Variants in TARS1 observed in about 807,000 individuals in gnomAD.
TARS1 encodes the protein threonyl-tRNA synthetase 1, also known as threonine--tRNA ligase 1, cytoplasmic.
In TARS1, 57 loss-of-function variants were observed where a neutral mutation model predicts 97.7. That is an observed-to-expected ratio of 0.58 (90% CI 0.47 to 0.73). The LOEUF (loss-of-function observed/expected upper bound fraction) is 0.73. Among genes scored for constraint, TARS1 ranks in the 30% least tolerant of loss-of-function variants. The probability of loss-of-function intolerance (pLI) is 0.00; values close to 1 mark genes in which losing one functional copy is unlikely to be tolerated. For missense variants in TARS1, 806 were observed against 888.3 expected, an observed-to-expected ratio of 0.91 and a Z score of 1.18; for synonymous variants, 312 against 293.7, an observed-to-expected ratio of 1.06 and a Z score of -0.64.
chr5:33,442,018 A>G (rs3777083), intron 1 of TARS1, among the ~76,000 whole-genome samples: 45,689 of 152,084 alleles, frequency 0.3, 8,742 homozygotes, highest in African/African-American at 0.54. Flanking sequence ...GATCTTAAGC[A>G]GGAAGATTGT....
At chr5:33,451,460 C>T (rs908952182) in intron 3 of TARS1, among the ~76,000 whole-genome samples, 2 of 151,716 alleles carry the variant, frequency 1.3e-5, no homozygotes, top group African/African-American at 2.4e-5. Context: ...CTGCAAGCTC[C>T]GCTTCCTGGG....
Position 33,462,154 on chromosome 5 carries a change from T to C in TARS1, c.1786T>C (p.Ser596Pro). The C allele has an allele frequency of 6.2e-7, 1 of 1,613,208 alleles. No homozygotes were observed. Among genetic ancestry groups the C allele is most frequent in the Non-Finnish European group, 8.5e-7 (1 of 1,179,902 alleles). The change falls in exon 16 of 19, where the codon TCA (serine) becomes CCA (proline). Residue 596 changes from serine to proline, a missense_variant. By Grantham distance (74) the Ser-to-Pro change is moderately conservative. This residue lies in a region of TARS1 where 446 missense variants were observed against 511.0 expected (regional missense o/e 0.87). Coordinates refer to ENST00000265112, the MANE Select transcript of TARS1 (RefSeq NM_152295.5). ...PVIVHRAILG[S>P]VERMIAILTE... ...GATTGTTCATCGAGCCATCTTGGGA[T>C]CAGTGGAAAGAATGATTGCTATCCT...
At chr5:33,449,341 ACG>A (rs1491548702) in intron 3 of TARS1, among the ~76,000 whole-genome samples, 3,994 of 114,890 alleles carry the variant, frequency 0.035, 98 homozygotes, top group South Asian at 0.091. Flanking sequence ...GTATATATAC[ACG>A]TGTATATATA....
intron 1 of TARS1, chr5:33,441,650 A>T (rs1208654218): frequency 6.3e-6 from 1 of 158,472 alleles, no homozygotes; most frequent in African/African-American, 2.4e-5. Context: ...CCCGGCACTG[A>T]TCTGGGCGGT....
Position 33,461,011 on chromosome 5 carries a change from C to T in TARS1, c.1360C>T (p.Arg454Trp), listed in dbSNP as rs148364973. ...ELSGALTGLT[R>W]VRRFQQDDAH... ...GTCTGGAGCACTCACAGGACTCACCCGGGTACGAAGATTCCAACAGGATGA... is the reference window on the plus strand; with the variant it reads ...GTCTGGAGCACTCACAGGACTCACCTGGGTACGAAGATTCCAACAGGATGA... The change falls in exon 12 of 19, where the codon CGG becomes TGG. Residue 454 changes from arginine (R) to tryptophan (W), a missense_variant. Coordinates refer to ENST00000265112, the MANE Select transcript of TARS1 (RefSeq NM_152295.5). 6.8e-6 allele frequency: 11 copies of T among 1,613,974 alleles called. No homozygotes were observed. Among genetic ancestry groups the T allele is most frequent in the African/African-American group, 1.3e-5 (1 of 74,880 alleles).
intron 9 of TARS1, 137 bp downstream of exon 9, chr5:33,457,540 T>C (rs1742088840): frequency 1.1e-6 from 1 of 897,770 alleles, no homozygotes; most frequent in Admixed American, 2.6e-5. Flanking sequence ...TGCTATGTCC[T>C]GTACAAACTA....
At position 33,445,240 on chromosome 5, in the gene TARS1, A is replaced by G. The variant is rs1579574486; in HGVS notation, c.58-84A>G. ...TTTAAATTAAATAACAAATACTAAA[A>G]TAACATTCTCAACACTTCCTGGGGC... On this transcript the variant is annotated intron_variant, in intron 1 of 18. Coordinates refer to ENST00000265112, the MANE Select transcript of TARS1 (RefSeq NM_152295.5). The G allele has an allele frequency of 1.4e-5, 14 of 1,026,838 alleles. No individual in the cohort carries two copies. In the East Asian group the frequency reaches 3.7e-4, roughly 27 times the overall value. 63.6% of individuals were successfully genotyped at this position (1,026,838 alleles called of 1,614,324 possible). A position where few individuals can be genotyped will look rare whatever the true frequency, so the allele number is the denominator to read the frequency against.
rs149964628 is a variant in TARS1, at chr5:33,448,591, A to G, written c.189A>G (p.Ile63Met). 23 of 1,613,380 alleles carry G rather than the reference A, an allele frequency of 1.4e-5. No homozygotes were observed. The highest frequency in any genetic ancestry group is 1.9e-5 in the Non-Finnish European group (22 of 1,179,716). The change falls in exon 3 of 19, where the codon ATA becomes ATG. Residue 63 changes from isoleucine to methionine, a missense_variant. Ile to Met is a conservative substitution (Grantham distance 10). This residue lies in a region of TARS1 where 356 missense variants were observed against 357.8 expected (regional missense o/e 0.99). Coordinates refer to ENST00000265112, the MANE Select transcript of TARS1 (RefSeq NM_152295.5). ...YIYTRLEMYNILKAEHDSILA... is the reference protein window; with the variant it reads ...YIYTRLEMYNMLKAEHDSILA... ...ACACACGTCTTGAGATGTATAATAT[A>G]CTAAAAGCAGAACATGATTCCATTC...
At position 33,461,260 on chromosome 5, in the gene TARS1, C is replaced by G; in HGVS notation, c.1516C>G (p.Leu506Val). The change falls in exon 13 of 19, where the codon CTT becomes GTT. Residue 506 changes from leucine (L) to valine (V), a missense_variant. This residue lies in a region of TARS1 where 446 missense variants were observed against 511.0 expected (regional missense o/e 0.87). Coordinates refer to ENST00000265112, the MANE Select transcript of TARS1 (RefSeq NM_152295.5). ...CCTTTCTACTCGCCCGGAAAAATTC[C>G]TTGGAGATATCGAAGTATGGGATCA... ...LNLSTRPEKF[L>V]GDIEVWDQAE... 1 of 1,613,680 alleles carries G rather than the reference C, an allele frequency of 6.2e-7. No homozygotes were observed. Among genetic ancestry groups the G allele is most frequent in the Non-Finnish European group, 8.5e-7 (1 of 1,179,926 alleles).
intron 1 of TARS1, 155 bp downstream of exon 1, chr5:33,441,298 C>A: frequency 1.3e-6 from 1 of 781,882 alleles, no homozygotes; most frequent in Non-Finnish European, 2.1e-6. Context: ...AAAGTCGGAA[C>A]CCCCTTTGGG....
chr5:33,464,192 C>T (rs12659798), intron 17 of TARS1, among the ~76,000 whole-genome samples: 9,195 of 152,230 alleles, frequency 0.06, 428 homozygotes, highest in East Asian at 0.22. Context: ...GCAGTGACTA[C>T]AGGCAGGAGC....
At chr5:33,453,918 C>T (rs1344728863) in intron 4 of TARS1, among the ~76,000 whole-genome samples, 1 of 151,982 alleles carries the variant, frequency 6.6e-6, no homozygotes, top group African/African-American at 2.4e-5. Context: ...TGGGGTTTCA[C>T]CATGTTGGCC....
Position 33,458,546 on chromosome 5 carries a change from T to A in TARS1, c.985-20T>A. 1 of 1,601,736 alleles carries A rather than the reference T, an allele frequency of 6.2e-7. No individual in the cohort carries two copies. Among genetic ancestry groups the A allele is most frequent in the Admixed American group, 1.7e-5 (1 of 58,328 alleles). On this transcript the variant is annotated intron_variant, in intron 9 of 18. Coordinates refer to ENST00000265112, the MANE Select transcript of TARS1 (RefSeq NM_152295.5). Reference sequence around the variant, plus strand: ...TATACGTGACGTACATAAACATTCTTTTGCTTTTCTTTTACCCAGGACCAA... The same window carrying A: ...TATACGTGACGTACATAAACATTCTATTGCTTTTCTTTTACCCAGGACCAA...
At position 33,466,885 on chromosome 5, in the gene TARS1, C is replaced by T. The variant is rs748580962; in HGVS notation, c.1923C>T (p.Phe641=). 1 of 1,596,678 alleles carries T rather than the reference C, an allele frequency of 6.3e-7. No individual in the cohort carries two copies. Among genetic ancestry groups the T allele is most frequent in the East Asian group, 2.3e-5 (1 of 43,666 alleles). The change falls in exon 18 of 19, where the codon TTC becomes TTT. Residue 641 remains phenylalanine, a synonymous_variant. Coordinates refer to ENST00000265112, the MANE Select transcript of TARS1 (RefSeq NM_152295.5). ...DEYAQKVRQQ[F]HDAKFMADID... is the part of the protein sequence containing the mutation. Reference sequence around the variant, plus strand: ...TGTTACAATAGGTACGACAACAATTCCACGATGCCAAATTCATGGCAGACA... The same window carrying T: ...TGTTACAATAGGTACGACAACAATTTCACGATGCCAAATTCATGGCAGACA...
chr5:33,450,599 C>T (rs911359257), intron 3 of TARS1, among the ~76,000 whole-genome samples: 1 of 152,180 alleles, frequency 6.6e-6, no homozygotes, highest in African/African-American at 2.4e-5. Flanking sequence ...TAGACCTTTA[C>T]GTATCAGTTC....
chr5:33,467,475 T>C, intron 18 of TARS1, 85 bp from the exon 19 acceptor site: 2 of 1,510,648 alleles, frequency 1.3e-6, no homozygotes, highest in Non-Finnish European at 1.8e-6. Context: ...TTTTGGGTCC[T>C]AGGATCATTT....
At chr5:33,442,320 C>CTTTTTTTTTTTTTTTT (rs763508345) in intron 1 of TARS1, among the ~76,000 whole-genome samples, 7 of 104,598 alleles carry the variant, frequency 6.7e-5, no homozygotes, top group Non-Finnish European at 1.1e-4. Flanking sequence ...TGTTTTGTAA[C>CTTTTTTTTTTTTTTTT]TTTTTTTTTT....
At chr5:33,449,358 T>TATATATATATATATATATATGTATAG (rs59141272) in intron 3 of TARS1, among the ~76,000 whole-genome samples, 143 of 146,464 alleles carry the variant, frequency 9.8e-4, no homozygotes, top group Middle Eastern at 6.9e-3. Context: ...TATATATATA[T>TATATATATATATATATATATGTATAG]CTTAAACTGG....
chr5:33,452,087 C>T (rs559446753), intron 3 of TARS1, among the ~76,000 whole-genome samples: 9 of 152,236 alleles, frequency 5.9e-5, no homozygotes, highest in Middle Eastern at 6.8e-3. Flanking sequence ...TCTCTTGATC[C>T]TCAGATAGGA....
Sources: gnomAD v4.1 joint callset for allele counts (sites outside exome capture counted in the v4.1 genomes callset) on GRCh38, gnomAD v4.1.1 for gene constraint, gnomAD v4.1.1 regional missense constraint, MANE v1.5 for transcripts, NCBI Gene and HGNC (gene_info 2026-07-23, HGNC 2026-07-21) for gene names.